STK32B: variants seen among roughly 807,000 people sequenced by gnomAD.
STK32B encodes the protein serine/threonine kinase 32B.
Under a neutral mutation model 52.6 loss-of-function variants are expected in STK32B, and 43 were observed. The observed-to-expected ratio is 0.82, with a 90% confidence interval of 0.64 to 1.05. STK32B has a LOEUF of 1.05. Ranked by LOEUF, STK32B falls within the 50% of genes least tolerant of loss-of-function variation. The pLI, the probability that STK32B is intolerant of heterozygous loss-of-function variation, is 0.00. For missense variants in STK32B, 621 were observed against 534.6 expected, an observed-to-expected ratio of 1.16 and a Z score of -1.59; for synonymous variants, 238 against 204.3, an observed-to-expected ratio of 1.17 and a Z score of -1.41.
intron 3 of STK32B, among the ~76,000 whole-genome samples, chr4:5,179,819 A>T (rs542056683): frequency 6.6e-6 from 1 of 152,236 alleles, no homozygotes; most frequent in Non-Finnish European, 1.5e-5. Context: ...TTGGCCTTGC[A>T]CTGCCTTCTT....
chr4:5,127,532 C>T (rs879881115), intron 1 of STK32B, among the ~76,000 whole-genome samples: 7 of 152,132 alleles, frequency 4.6e-5, no homozygotes, highest in South Asian at 2.1e-4. Flanking sequence ...AAATTATGCC[C>T]GCCCAGAACC....
Position 5,460,345 on chromosome 4 carries a change from A to G in STK32B, c.909+117A>G, listed in dbSNP as rs1716937661. 6.9e-7 allele frequency: 1 copy of G among 1,451,580 alleles called. No individual in the cohort carries two copies. Among genetic ancestry groups the G allele is most frequent in the East Asian group, 2.3e-5 (1 of 42,884 alleles). 89.9% of individuals were successfully genotyped at this position (1,451,580 alleles called of 1,614,324 possible). On this transcript the variant is annotated intron_variant, in intron 9 of 11. Transcript: ENST00000282908. This position sits in a 1 kb window ranked among gnomAD's most constrained non-coding sequence, Gnocchi z 4.8. ...CTCTGCTGGCCACTTCCACCTGAGC[A>G]CCAAGGGCTTATGTCTTGCTGGAAT...
chr4:5,252,706 A>C (rs761939188), intron 3 of STK32B, among the ~76,000 whole-genome samples: 1 of 152,198 alleles, frequency 6.6e-6, no homozygotes, highest in Non-Finnish European at 1.5e-5. Context: ...GTCACACCTG[A>C]ACACAAATCC....
At chr4:5,315,377 AC>A (rs1730598221) in intron 3 of STK32B, among the ~76,000 whole-genome samples, 1 of 152,178 alleles carries the variant, frequency 6.6e-6, no homozygotes, top group African/African-American at 2.4e-5. Flanking sequence ...TACAAGAATT[AC>A]TTTAAGAGGG....
At chr4:5,265,102 G>C (rs1726976582) in intron 3 of STK32B, among the ~76,000 whole-genome samples, 3 of 152,138 alleles carry the variant, frequency 2.0e-5, no homozygotes, top group African/African-American at 7.2e-5. Flanking sequence ...TCAATGGTGT[G>C]AAGTAGCCAT....
intron 4 of STK32B, among the ~76,000 whole-genome samples, chr4:5,336,704 G>A (rs983083588): frequency 6.6e-6 from 1 of 152,018 alleles, no homozygotes; most frequent in Admixed American, 6.6e-5. Flanking sequence ...AAGAAAATAC[G>A]AGACAAAGCA....
intron 4 of STK32B, among the ~76,000 whole-genome samples, chr4:5,370,227 A>G (rs1470528919): frequency 2.0e-5 from 3 of 152,196 alleles, no homozygotes; most frequent in African/African-American, 7.2e-5. Context: ...ATATAATTAT[A>G]TGGAGCAATT....
intron 2 of STK32B, 36 bp from the exon 3 acceptor site, chr4:5,168,263 T>C (rs1719043818): frequency 6.3e-7 from 1 of 1,587,030 alleles, no homozygotes; most frequent in Admixed American, 1.7e-5. Flanking sequence ...TTTTCGATTG[T>C]TGGCCTGACT....
chr4:5,385,580 T>C (rs1317887370), intron 4 of STK32B, among the ~76,000 whole-genome samples: 1 of 151,952 alleles, frequency 6.6e-6, no homozygotes, highest in Non-Finnish European at 1.5e-5. Context: ...GGTTGGAATT[T>C]TATCACCTGG....
At chr4:5,490,111 A>AT (rs36009435) in intron 11 of STK32B, among the ~76,000 whole-genome samples, 2,108 of 143,298 alleles carry the variant, frequency 0.015, 18 homozygotes, top group African/African-American at 0.027. Context: ...TTAAGTAGGC[A>AT]TTTTTTTTTT....
chr4:5,310,184 A>G (rs1369379614), intron 3 of STK32B, among the ~76,000 whole-genome samples: 1 of 152,114 alleles, frequency 6.6e-6, no homozygotes, highest in Non-Finnish European at 1.5e-5. Context: ...AAAAAGAGAA[A>G]TAAGTTTATG....
chr4:5,198,177 A>G (rs970180145), intron 3 of STK32B, among the ~76,000 whole-genome samples: 2 of 152,220 alleles, frequency 1.3e-5, no homozygotes, highest in African/African-American at 4.8e-5. Flanking sequence ...AGCTATTATT[A>G]TGATGAGCAA....
intron 3 of STK32B, among the ~76,000 whole-genome samples, chr4:5,196,992 C>G (rs557499739): frequency 3.4e-4 from 52 of 152,256 alleles, no homozygotes; most frequent in African/African-American, 1.2e-3. Context: ...GGTATCCAGC[C>G]TGCCAGGACC....
At chr4:5,404,061 A>T (rs911633153) in intron 5 of STK32B, among the ~76,000 whole-genome samples, 18 of 151,950 alleles carry the variant, frequency 1.2e-4, no homozygotes, top group African/African-American at 4.4e-4. Context: ...GTGCCAGGGG[A>T]GGGTATTAAA....
intron 11 of STK32B, among the ~76,000 whole-genome samples, chr4:5,473,835 C>A (rs986024446): frequency 5.9e-5 from 9 of 152,298 alleles, no homozygotes; most frequent in African/African-American, 2.2e-4. Flanking sequence ...TATTTAAAGA[C>A]CGGACACGGT....
chr4:5,388,273 T>C (rs1430502180), intron 4 of STK32B, among the ~76,000 whole-genome samples: 1 of 152,190 alleles, frequency 6.6e-6, no homozygotes, highest in Non-Finnish European at 1.5e-5. Context: ...TGCCACCTCC[T>C]TTTCCTTCTA....
chr4:5,300,821 C>T (rs1729503816), intron 3 of STK32B, among the ~76,000 whole-genome samples: 1 of 152,188 alleles, frequency 6.6e-6, no homozygotes, highest in African/African-American at 2.4e-5. Context: ...ATTACATGCT[C>T]ATGGATTGGA....
intron 11 of STK32B, among the ~76,000 whole-genome samples, chr4:5,484,750 T>C (rs1455102464): frequency 6.6e-6 from 1 of 152,196 alleles, no homozygotes; most frequent in Non-Finnish European, 1.5e-5. Context: ...CCATGTTTAG[T>C]GCTTGCTTCA....
At chr4:5,348,025 AAG>A (rs879392969) in intron 4 of STK32B, among the ~76,000 whole-genome samples, 2 of 152,194 alleles carry the variant, frequency 1.3e-5, no homozygotes, top group Admixed American at 6.5e-5. Context: ...TAGATCATCT[AAG>A]AGAGAATACA....
Sources: gnomAD v4.1 joint callset for allele counts (sites outside exome capture counted in the v4.1 genomes callset) on GRCh38, gnomAD v4.1.1 for gene constraint, Gnocchi (gnomAD v3.1) non-coding constraint, MANE v1.5 for transcripts, NCBI Gene and HGNC (gene_info 2026-07-23, HGNC 2026-07-21) for gene names.